The following FUT9 variants were observed in gnomAD, a reference collection of about 807,000 sequenced individuals.
FUT9 encodes 4-galactosyl-N-acetylglucosaminide 3-alpha-L-fucosyltransferase 9.
Under a neutral mutation model 29.7 loss-of-function variants are expected in FUT9, and 15 were observed. The ratio of observed to expected loss-of-function variants is 0.51; its 90% CI spans 0.34 to 0.78. The LOEUF (loss-of-function observed/expected upper bound fraction) is 0.78, where lower values mean the gene tolerates loss of function less well. FUT9 is among the 30% of genes least tolerant of loss of function. The pLI is 0.01. For synonymous variants in FUT9, 169 were observed against 153.7 expected (o/e 1.10, Z -0.74); for missense variants, 319 against 425.4 (o/e 0.75, Z 2.20).
chr6:96,073,830 C>G (rs1325449149), intron 1 of FUT9, among the ~76,000 whole-genome samples: 1 of 152,178 alleles, frequency 6.6e-6, no homozygotes, highest in Non-Finnish European at 1.5e-5. Context: ...GTACAACCCT[C>G]ATCCTGACAC....
rs533054511 is a variant in FUT9, at chr6:96,205,993, C to T, written c.*1758C>T. The T allele has an allele frequency of 4.5e-4, 75 of 166,956 alleles. No homozygotes were observed. Among genetic ancestry groups the T allele is most frequent in the African/African-American group, 1.8e-3 (73 of 41,506 alleles). The allele number at this position is 166,956 out of a possible 1,614,324, so 10.3% of individuals were successfully genotyped here. A position where few individuals can be genotyped will look rare whatever the true frequency, so the allele number is the denominator to read the frequency against. On this transcript the variant is annotated 3_prime_UTR_variant, in exon 3 of 3. Coordinates refer to ENST00000302103, the MANE Select transcript of FUT9 (RefSeq NM_006581.4). ...GCAGTGTCAGGCACTGCCTTAACAC[C>T]CACAGAGATAAGATGAACAAGGTAC... is the stretch of plus-strand genomic sequence containing the variant.
intron 2 of FUT9, among the ~76,000 whole-genome samples, chr6:96,167,956 T>C (rs1773044000): frequency 6.6e-6 from 1 of 152,128 alleles, no homozygotes; most frequent in Admixed American, 6.5e-5. Context: ...AGACTATAAA[T>C]ATAAGTTGAA....
intron 2 of FUT9, among the ~76,000 whole-genome samples, chr6:96,190,602 G>A (rs4535552): frequency 0.91 from 138,809 of 152,084 alleles, 64,694 homozygotes; most frequent in Non-Finnish European, 1. Context: ...GGCTTTGTTC[G>A]TTTCTTTTTA....
At chr6:96,110,010 G>T (rs974505629) in intron 1 of FUT9, among the ~76,000 whole-genome samples, 3 of 152,110 alleles carry the variant, frequency 2.0e-5, no homozygotes, top group South Asian at 2.1e-4. Context: ...TTTGCACTTT[G>T]TGTCTACTCT....
intron 2 of FUT9, among the ~76,000 whole-genome samples, chr6:96,123,613 T>C (rs1772074480): frequency 6.6e-6 from 1 of 152,200 alleles, no homozygotes; most frequent in Admixed American, 6.5e-5. Context: ...TGCAAATGCA[T>C]GTTCACTGAG....
chr6:96,147,482 ATCC>A (rs1772593272), intron 2 of FUT9, among the ~76,000 whole-genome samples: 1 of 152,122 alleles, frequency 6.6e-6, no homozygotes, highest in Admixed American at 6.6e-5. Context: ...AATTTTCATT[ATCC>A]TCATGTTTGT....
At chr6:96,172,871 C>T (rs1013676903) in intron 2 of FUT9, among the ~76,000 whole-genome samples, 3 of 152,042 alleles carry the variant, frequency 2.0e-5, no homozygotes, top group Non-Finnish European at 4.4e-5. Flanking sequence ...CATAAGAGAG[C>T]CATGTACAAA....
chr6:96,079,420 C>A (rs924891016), intron 1 of FUT9, among the ~76,000 whole-genome samples: 12 of 152,144 alleles, frequency 7.9e-5, no homozygotes, highest in Admixed American at 7.2e-4. Context: ...CTGATTCCTC[C>A]TGAAATTGTT....
At chr6:96,047,166 G>A (rs1770577923) in intron 1 of FUT9, among the ~76,000 whole-genome samples, 1 of 152,150 alleles carries the variant, frequency 6.6e-6, no homozygotes, top group African/African-American at 2.4e-5. Flanking sequence ...TCCTCACAGT[G>A]TCACCGAATG....
At chr6:96,078,805 C>T (rs972189586) in intron 1 of FUT9, among the ~76,000 whole-genome samples, 8 of 152,116 alleles carry the variant, frequency 5.3e-5, no homozygotes, top group African/African-American at 1.9e-4. Flanking sequence ...AATTGAAGCT[C>T]TTTATGCATT....
chr6:96,039,733 G>T (rs568765839), intron 1 of FUT9, among the ~76,000 whole-genome samples: 1 of 152,250 alleles, frequency 6.6e-6, no homozygotes, highest in South Asian at 2.1e-4. Flanking sequence ...CAGTAAGATA[G>T]CAGAGGACAG....
At chr6:96,050,276 T>C (rs1770641857) in intron 1 of FUT9, among the ~76,000 whole-genome samples, 1 of 152,178 alleles carries the variant, frequency 6.6e-6, no homozygotes, top group African/African-American at 2.4e-5. Context: ...TGTCTCTGTG[T>C]TTACCCCAAC....
intron 1 of FUT9, among the ~76,000 whole-genome samples, chr6:96,093,226 A>G (rs971013029): frequency 6.6e-6 from 1 of 152,178 alleles, no homozygotes; most frequent in African/African-American, 2.4e-5. Flanking sequence ...TACCTTGCAC[A>G]GTTCTTGACA....
chr6:96,036,126 C>T (rs1011230784), intron 1 of FUT9, among the ~76,000 whole-genome samples: 8 of 144,730 alleles, frequency 5.5e-5, no homozygotes, highest in South Asian at 2.1e-4. Flanking sequence ...TGAAAGTTCT[C>T]ATCTGCAAAA....
At chr6:96,119,755 A>G (rs1771984623) in intron 2 of FUT9, among the ~76,000 whole-genome samples, 1 of 152,210 alleles carries the variant, frequency 6.6e-6, no homozygotes, top group Non-Finnish European at 1.5e-5. Context: ...CAGTTTTAAT[A>G]TGAAGAAAAT....
At chr6:96,084,969 T>A (rs891681016) in intron 1 of FUT9, among the ~76,000 whole-genome samples, 3 of 152,208 alleles carry the variant, frequency 2.0e-5, no homozygotes, top group African/African-American at 7.2e-5. Context: ...TTTTGTTCAG[T>A]TTCTTGTTTT....
At chr6:96,036,318 A>T (rs1770364583) in intron 1 of FUT9, among the ~76,000 whole-genome samples, 1 of 151,500 alleles carries the variant, frequency 6.6e-6, no homozygotes, top group African/African-American at 2.4e-5. Flanking sequence ...ATGCTGCAAG[A>T]GTAACAAATT....
chr6:96,066,251 C>T (rs1001872382), intron 1 of FUT9, among the ~76,000 whole-genome samples: 3 of 151,766 alleles, frequency 2.0e-5, no homozygotes, highest in African/African-American at 7.3e-5. Flanking sequence ...TCATCTGTTT[C>T]TTTAAAGTGA....
intron 2 of FUT9, among the ~76,000 whole-genome samples, chr6:96,129,006 C>G (rs1264641340): frequency 1.3e-5 from 2 of 151,544 alleles, no homozygotes; most frequent in Non-Finnish European, 2.9e-5. Context: ...GCCTGTAATT[C>G]CAGCACTTTG....
Sources: allele counts gnomAD v4.1 joint callset (sites outside exome capture counted in the v4.1 genomes callset), GRCh38; gene constraint gnomAD v4.1.1; transcripts MANE v1.5; gene names NCBI Gene and HGNC (gene_info 2026-07-23, HGNC 2026-07-21).